The following TBC1D32 variants were observed in gnomAD, a reference collection of about 807,000 sequenced individuals.
The protein encoded by TBC1D32 is TBC1 domain family member 32, also known as protein broad-minded.
In TBC1D32, 151 loss-of-function variants were observed where a neutral mutation model predicts 170.3. The observed-to-expected ratio is 0.89, with a 90% CI of 0.78 to 1.01. TBC1D32 has a LOEUF of 1.01. TBC1D32 is among the 50% of genes least tolerant of loss of function. The pLI is 0.00. For missense variants in TBC1D32, 1,464 were observed against 1,457.1 expected (o/e 1.00, Z -0.08); for synonymous variants, 498 against 488.0 (o/e 1.02, Z -0.27).
chr6:121,219,940 C>T (rs1794303791), intron 21 of TBC1D32, among the ~76,000 whole-genome samples: 1 of 152,114 alleles, frequency 6.6e-6, no homozygotes, highest in South Asian at 2.1e-4. Flanking sequence ...TTTTGGGGCA[C>T]CATGAACTGT....
At chr6:121,235,112 G>A (rs1182915733) in intron 20 of TBC1D32, among the ~76,000 whole-genome samples, 1 of 152,194 alleles carries the variant, frequency 6.6e-6, no homozygotes, top group Non-Finnish European at 1.5e-5. Context: ...GGTGGAGGTG[G>A]CAGGGGAGTC....
At chr6:121,223,188 C>A in intron 21 of TBC1D32, 48 bp downstream of exon 21, 1 of 1,228,748 alleles carries the variant, frequency 8.1e-7, no homozygotes, top group South Asian at 1.5e-5. Context: ...CTACCAATCT[C>A]AAATAGTAGC....
At chr6:121,119,768 T>C (rs550727551) in intron 26 of TBC1D32, among the ~76,000 whole-genome samples, 4 of 152,256 alleles carry the variant, frequency 2.6e-5, no homozygotes, top group Admixed American at 1.3e-4. Flanking sequence ...CCAAACTAAT[T>C]TGATTTTTCC....
At chr6:121,202,613 ACAAGGT>A (rs1321142887) in intron 22 of TBC1D32, among the ~76,000 whole-genome samples, 1 of 151,304 alleles carries the variant, frequency 6.6e-6, no homozygotes, top group East Asian at 1.9e-4. Flanking sequence ...GCAAGGAGAC[ACAAGGT>A]CAAGGATATT....
intron 12 of TBC1D32, among the ~76,000 whole-genome samples, chr6:121,285,222 G>C (rs1231330248): frequency 6.6e-6 from 1 of 152,106 alleles, no homozygotes; most frequent in Non-Finnish European, 1.5e-5. Flanking sequence ...GATTCAACAT[G>C]TAACTGTATT....
chr6:121,302,488 T>A (rs1158410402), intron 9 of TBC1D32, among the ~76,000 whole-genome samples: 1 of 151,988 alleles, frequency 6.6e-6, no homozygotes, highest in Non-Finnish European at 1.5e-5. Context: ...GCAATAAGAA[T>A]GTCAAATGAA....
chr6:121,328,817 T>TCATA (rs1458882384), intron 1 of TBC1D32, among the ~76,000 whole-genome samples: 2 of 152,218 alleles, frequency 1.3e-5, no homozygotes, highest in Non-Finnish European at 2.9e-5. Context: ...TCATATACTT[T>TCATA]GACATTTTTC....
chr6:121,298,700 A>G (rs750111791), intron 10 of TBC1D32, among the ~76,000 whole-genome samples: 17 of 152,150 alleles, frequency 1.1e-4, no homozygotes, highest in Middle Eastern at 3.4e-3. Context: ...ATTCTCAAAC[A>G]CACAACAATT....
chr6:121,205,046 A>C (rs1264526607), intron 22 of TBC1D32, 29 bp downstream of exon 22: 2 of 1,271,592 alleles, frequency 1.6e-6, no homozygotes, highest in African/African-American at 3.1e-5. Flanking sequence ...CATAAAATAT[A>C]ATATCAAAAG....
At chr6:121,258,666 T>C (rs76142986) in intron 15 of TBC1D32, among the ~76,000 whole-genome samples, 200 of 152,302 alleles carry the variant, frequency 1.3e-3, no homozygotes, top group African/African-American at 4.6e-3. Context: ...TTCATATTTC[T>C]TTGTATCATA....
intron 31 of TBC1D32, among the ~76,000 whole-genome samples, chr6:121,083,259 T>TA (rs2128167203): frequency 6.6e-6 from 1 of 152,196 alleles, no homozygotes; most frequent in East Asian, 1.9e-4. Flanking sequence ...ATAACACTAT[T>TA]CCACTTTATA....
chr6:121,278,300 C>G (rs994957831), intron 15 of TBC1D32, among the ~76,000 whole-genome samples: 2 of 152,024 alleles, frequency 1.3e-5, no homozygotes, highest in African/African-American at 4.8e-5. Flanking sequence ...ATTACATATT[C>G]TACAGACTGA....
chr6:121,179,640 C>T (rs914379706), intron 22 of TBC1D32, among the ~76,000 whole-genome samples: 8 of 152,002 alleles, frequency 5.3e-5, no homozygotes, highest in East Asian at 1.9e-4. Flanking sequence ...ATTTTAAAGA[C>T]GTGCATTCTC....
At chr6:121,225,769 T>C (rs748183839) in intron 20 of TBC1D32, among the ~76,000 whole-genome samples, 1 of 152,076 alleles carries the variant, frequency 6.6e-6, no homozygotes, top group Non-Finnish European at 1.5e-5. Context: ...ATACATTCAT[T>C]TCTCACACAT....
intron 11 of TBC1D32, among the ~76,000 whole-genome samples, chr6:121,292,430 T>C (rs1035312821): frequency 3.3e-5 from 5 of 152,134 alleles, no homozygotes; most frequent in Non-Finnish European, 1.5e-5. Context: ...ACATATAGTG[T>C]CCATTCTAAA....
chr6:121,081,953 G>C (rs1218778387), intron 31 of TBC1D32, among the ~76,000 whole-genome samples: 1 of 151,976 alleles, frequency 6.6e-6, no homozygotes, highest in Non-Finnish European at 1.5e-5. Context: ...GATCTACAAG[G>C]CTGATATTAC....
intron 22 of TBC1D32, among the ~76,000 whole-genome samples, chr6:121,178,667 C>G (rs1309714196): frequency 2.0e-5 from 3 of 152,070 alleles, no homozygotes; most frequent in African/African-American, 7.2e-5. Flanking sequence ...TGATATGTCT[C>G]TAACCAATGG....
At position 121,279,124 on chromosome 6, in the gene TBC1D32, T is replaced by C; in HGVS notation, c.1730A>G (p.Glu577Gly). The C allele has an allele frequency of 1.3e-6, 2 of 1,591,096 alleles. No individual in the cohort carries two copies. Among genetic ancestry groups the C allele is most frequent in the Non-Finnish European group, 1.7e-6 (2 of 1,174,300 alleles). ...LYGANMNSSEESPTGAHIIAQ... is the reference protein window; with the variant it reads ...LYGANMNSSEGSPTGAHIIAQ... ...CCGGATTTAAAATAGCACATACCTT[T>C]CTTCAGAAGAGTTCATATTTGCTCC... The change falls in exon 15 of 32, where the codon GAA becomes GGA. Residue 577 changes from glutamate to glycine, a missense_variant. Transcript: ENST00000398212.
At chr6:121,312,326 A>G (rs143361268) in intron 3 of TBC1D32, among the ~76,000 whole-genome samples, 5,000 of 152,124 alleles carry the variant, frequency 0.033, 194 homozygotes, top group East Asian at 0.12. Flanking sequence ...TAACCTGCAC[A>G]TTCTGCACAT....
Sources: allele counts gnomAD v4.1 joint callset (sites outside exome capture counted in the v4.1 genomes callset), GRCh38; gene constraint gnomAD v4.1.1; transcripts MANE v1.5; gene names NCBI Gene and HGNC (gene_info 2026-07-23, HGNC 2026-07-21).